NTM: variants seen among roughly 807,000 people sequenced by gnomAD.
The protein encoded by NTM is neurotrimin.
NTM carries 13 observed loss-of-function variants against 42.1 expected under a neutral mutation model. That is an observed-to-expected ratio of 0.31 (90% confidence interval 0.20 to 0.49). The LOEUF (loss-of-function observed/expected upper bound fraction) is 0.49, where lower values mean the gene tolerates loss of function less well. NTM is among the 20% of genes least tolerant of loss of function. The pLI is 0.99. For missense variants in NTM, 373 were observed against 452.8 expected, an observed-to-expected ratio of 0.82 and a Z score of 1.60; for synonymous variants, 187 against 179.2, an observed-to-expected ratio of 1.04 and a Z score of -0.35.
At chr11:131,723,842 G>T (rs1014303103) in intron 1 of NTM, among the ~76,000 whole-genome samples, 2 of 152,046 alleles carry the variant, frequency 1.3e-5, no homozygotes, top group African/African-American at 2.4e-5. Flanking sequence ...GTGTGTGTGT[G>T]CATGAGAAAG....
chr11:131,863,411 C>T (rs2046840697), intron 1 of NTM, among the ~76,000 whole-genome samples: 1 of 152,208 alleles, frequency 6.6e-6, no homozygotes, highest in Non-Finnish European at 1.5e-5. Flanking sequence ...CCTGACTCCA[C>T]TGTGCAGCAG....
chr11:131,681,471 GTGTC>G (rs1163067433), intron 1 of NTM, among the ~76,000 whole-genome samples: 1 of 51,464 alleles, frequency 1.9e-5, no homozygotes, highest in Non-Finnish European at 4.1e-5. Flanking sequence ...GTGTGTTTCT[GTGTC>G]TGTGTGTATG....
chr11:131,468,722 T>C (rs1302631866), intron 1 of NTM, among the ~76,000 whole-genome samples: 1 of 152,138 alleles, frequency 6.6e-6, no homozygotes, highest in Non-Finnish European at 1.5e-5. Context: ...GGAAGAGAGA[T>C]TTGAGTGGGC....
chr11:131,549,359 C>A (rs1168111385), intron 1 of NTM, among the ~76,000 whole-genome samples: 1 of 151,978 alleles, frequency 6.6e-6, no homozygotes, highest in Non-Finnish European at 1.5e-5. Context: ...ATAGAAGAAA[C>A]CCCAGGCACA....
chr11:132,245,907 T>TA (rs890238381), intron 4 of NTM, among the ~76,000 whole-genome samples: 59 of 152,028 alleles, frequency 3.9e-4, no homozygotes, highest in African/African-American at 1.4e-3. Flanking sequence ...CCAGTAGGAG[T>TA]AGAAAGCCCG....
intron 1 of NTM, among the ~76,000 whole-genome samples, chr11:131,841,890 G>C (rs1252214405): frequency 6.6e-6 from 1 of 152,218 alleles, no homozygotes; most frequent in Non-Finnish European, 1.5e-5. Context: ...ATTCAGTAGA[G>C]TTAAGCCAGG....
chr11:131,424,743 G>A (rs902386990), intron 1 of NTM, among the ~76,000 whole-genome samples: 1 of 66,478 alleles, frequency 1.5e-5, no homozygotes, highest in South Asian at 4.4e-4. Flanking sequence ...TTTTTTTTTT[G>A]TATTTTTAGT....
In NTM at chr11:131,850,206, G is replaced by T. The variant is rs71483691; in HGVS notation, c.83-61358G>T. 8.5e-3 allele frequency among the ~76,000 whole-genome samples: 1,292 copies of T among 152,202 alleles called. 14 individuals carry two copies. Among genetic ancestry groups the T allele is most frequent in the Non-Finnish European group, 0.016 (1,082 of 68,010 alleles). Reference sequence around the variant, plus strand: ...CACAGTTGCAGCTTTGGGTGTTTGGGTTAGCAAACTGATGTAAAGAATTGC... The same window carrying T: ...CACAGTTGCAGCTTTGGGTGTTTGGTTTAGCAAACTGATGTAAAGAATTGC... On this transcript the variant is annotated intron_variant, in intron 1 of 8. Transcript: ENST00000683400.
intron 4 of NTM, among the ~76,000 whole-genome samples, chr11:132,212,740 G>C (rs773828014): frequency 6.6e-6 from 1 of 152,174 alleles, no homozygotes; most frequent in Non-Finnish European, 1.5e-5. Flanking sequence ...TGCTTTCATG[G>C]ATTGTACATT....
chr11:132,004,568 T>C (rs1482141205), intron 2 of NTM, among the ~76,000 whole-genome samples: 1 of 152,054 alleles, frequency 6.6e-6, no homozygotes, highest in Admixed American at 6.5e-5. Context: ...GCAGAAATCT[T>C]ATATGGTTCC....
chr11:132,122,154 G>T (rs1470900491), intron 2 of NTM, among the ~76,000 whole-genome samples: 1 of 152,204 alleles, frequency 6.6e-6, no homozygotes, highest in East Asian at 1.9e-4. Flanking sequence ...CTCGGTGTGG[G>T]CCTTTGCTCC....
chr11:131,462,271 A>G (rs959418240), intron 1 of NTM, among the ~76,000 whole-genome samples: 1 of 152,230 alleles, frequency 6.6e-6, no homozygotes, highest in African/African-American at 2.4e-5. Flanking sequence ...AAATGGGCAC[A>G]AGAGAATTTT....
intron 1 of NTM, among the ~76,000 whole-genome samples, chr11:131,822,964 C>T (rs1323153180): frequency 2.0e-5 from 3 of 152,152 alleles, no homozygotes; most frequent in African/African-American, 2.4e-5. Flanking sequence ...TTCCTTCCTT[C>T]CTTCTGTCTC....
chr11:131,707,644 C>A (rs983546652), intron 1 of NTM, among the ~76,000 whole-genome samples: 1 of 152,072 alleles, frequency 6.6e-6, no homozygotes, highest in Non-Finnish European at 1.5e-5. Flanking sequence ...TCTACACATT[C>A]TTTCCAGCAC....
chr11:131,388,371 T>C (rs1943576613), intron 1 of NTM, among the ~76,000 whole-genome samples: 1 of 151,594 alleles, frequency 6.6e-6, no homozygotes, highest in Non-Finnish European at 1.5e-5. Context: ...GATCAACAAA[T>C]GATTTTTATT....
chr11:131,583,945 G>A (rs904314370), intron 1 of NTM, among the ~76,000 whole-genome samples: 1 of 152,180 alleles, frequency 6.6e-6, no homozygotes, highest in Non-Finnish European at 1.5e-5. Context: ...TCTGCAGCTA[G>A]GCACTGTTAG....
intron 4 of NTM, among the ~76,000 whole-genome samples, chr11:132,264,779 C>A (rs528490027): frequency 2.9e-4 from 44 of 152,252 alleles, no homozygotes; most frequent in Non-Finnish European, 5.1e-4. Context: ...ATTACCCAGG[C>A]CTTGCAATGT....
intron 1 of NTM, among the ~76,000 whole-genome samples, chr11:131,372,507 T>G (rs1941358015): frequency 6.6e-6 from 1 of 151,956 alleles, no homozygotes; most frequent in Admixed American, 6.5e-5. Context: ...AAGAATGAAG[T>G]GGGGAAGCTG....
At position 131,599,311 on chromosome 11, in the gene NTM, T is replaced by C. The variant is rs71483681; in HGVS notation, c.82+228423T>C. On this transcript the variant is annotated intron_variant, in intron 1 of 8. Coordinates refer to ENST00000683400, the MANE Select transcript of NTM (RefSeq NM_001352005.2). ...TCTACCCAGTCTCCGGCAGATGCCC[T>C]GTCTACCCAGTCTCCGGCAGATGCC... 4.9e-3 allele frequency among the ~76,000 whole-genome samples: 267 copies of C among 54,814 alleles called. 31 individuals carry two copies. The highest frequency in any genetic ancestry group is 8.0e-3 in the African/African-American group (239 of 29,980). 36.0% of individuals were successfully genotyped at this position (54,814 alleles called of 152,430 possible). A position where few individuals can be genotyped will look rare whatever the true frequency, so the allele number is the denominator to read the frequency against.
Sources: allele counts gnomAD v4.1 joint callset (sites outside exome capture counted in the v4.1 genomes callset), GRCh38; gene constraint gnomAD v4.1.1; transcripts MANE v1.5; gene names NCBI Gene and HGNC (gene_info 2026-07-23, HGNC 2026-07-21).